The following MYH11 variants were observed in gnomAD, a reference collection of about 807,000 sequenced individuals.
The protein encoded by MYH11 is myosin heavy chain 11.
In MYH11, 80 loss-of-function variants were observed where a neutral mutation model predicts 246.6. That is an observed-to-expected ratio of 0.32 (90% CI 0.27 to 0.39). MYH11 has a LOEUF of 0.39. Ranked by LOEUF, MYH11 falls within the 10% of genes least tolerant of loss-of-function variation. MYH11 has a pLI of 1.00. For missense variants in MYH11, 2,158 were observed against 2,546.8 expected (o/e 0.85, Z 3.29); for synonymous variants, 1,071 against 1,015.5 (o/e 1.05, Z -1.04).
chr16:15,823,283 T>A lies in MYH11; in HGVS notation c.474A>T (p.Ala158=). The change falls in exon 3 of 41, where the codon GCA becomes GCT. Residue 158 remains alanine, a synonymous_variant. Coordinates refer to ENST00000300036, the MANE Select transcript of MYH11 (RefSeq NM_002474.3). ...GAAGCATGCTCCGGTAGGCCGTGTCTGCGATGGCGTAGATGTGAGGCGGCA... is the reference window on the plus strand; with the variant it reads ...GAAGCATGCTCCGGTAGGCCGTGTCAGCGATGGCGTAGATGTGAGGCGGCA... ...HEMPPHIYAI[A]DTAYRSMLQD... is the part of the protein sequence containing the mutation. The A allele has an allele frequency of 6.2e-7, 1 of 1,614,192 alleles. No individual in the cohort carries two copies.
Position 15,798,660 on chromosome 16 carries a change from G to A in MYH11, c.530C>T (p.Thr177Ile), listed in dbSNP as rs2042809404. The A allele has an allele frequency of 1.9e-6, 3 of 1,596,080 alleles. No homozygotes were observed. Among genetic ancestry groups the A allele is most frequent in the Non-Finnish European group, 1.7e-6 (2 of 1,173,696 alleles). ...QDREDQSILC[T>I]GESGAGKTEN... is the part of the protein sequence containing the mutation. Reference sequence around the variant, plus strand: ...CAGAAGAAAAAGCAGTTCCACTTACGTGCATAGAATGGACTGGTCCTCCCG... The same window carrying A: ...CAGAAGAAAAAGCAGTTCCACTTACATGCATAGAATGGACTGGTCCTCCCG... The change falls in exon 4 of 41, where the codon ACA becomes ATA. Residue 177 changes from threonine (T) to isoleucine (I), a missense_variant and splice_region_variant. Around this residue, in one of 11 missense-constraint regions of MYH11, gnomAD observed 123 missense variants for 207.1 expected, o/e 0.59. Transcript: ENST00000300036.
At chr16:15,748,252 C>A in intron 16 of MYH11, 84 bp from the exon 17 acceptor site, 1 of 1,592,152 alleles carries the variant, frequency 6.3e-7, no homozygotes. Context: ...CTGGATGACC[C>A]ACCTGGCCAG....
At chr16:15,725,205 A>G in intron 28 of MYH11, 1 of 616,236 alleles carries the variant, frequency 1.6e-6, no homozygotes. Flanking sequence ...TCCGTCACCT[A>G]TGAGTTGGGA....
intron 36 of MYH11, chr16:15,718,716 T>C (rs933706887): frequency 3.9e-5 from 21 of 540,240 alleles, no homozygotes; most frequent in South Asian, 1.7e-4. Context: ...CAGCTACTTA[T>C]TGGGAATGAA....
At chr16:15,824,736 T>C (rs2043514378) in intron 2 of MYH11, among the ~76,000 whole-genome samples, 1 of 152,152 alleles carries the variant, frequency 6.6e-6, no homozygotes, top group Non-Finnish European at 1.5e-5. Context: ...CTCCAAGCTC[T>C]CTCTCCTCCC....
At chr16:15,776,592 C>G (rs1334738564) in intron 7 of MYH11, among the ~76,000 whole-genome samples, 1 of 152,078 alleles carries the variant, frequency 6.6e-6, no homozygotes, top group Non-Finnish European at 1.5e-5. Context: ...TCACTGAAGC[C>G]TCACAAAGTA....
At chr16:15,717,579 G>A in intron 37 of MYH11, 1 of 594,820 alleles carries the variant, frequency 1.7e-6, no homozygotes, top group South Asian at 2.0e-5. Flanking sequence ...TAAATCACTT[G>A]AGCTCAGGAG....
chr16:15,719,156 C>T lies in MYH11; in HGVS notation c.5171+64G>A, dbSNP rs150564933. ...AAAATTTAAAAAATAAAATGGGGGT[C>T]GAGGATGCTGCCTGTCCCCCCATCC... On this transcript the variant is annotated intron_variant, in intron 36 of 40. Coordinates refer to ENST00000300036, the MANE Select transcript of MYH11 (RefSeq NM_002474.3). The T allele has an allele frequency of 1.3e-4, 193 of 1,477,500 alleles. No individual in the cohort carries two copies. The African/African-American group carries it at 1.6e-3, about 12-fold the overall frequency. The allele number at this position is 1,477,500 out of a possible 1,614,324, so 91.5% of individuals were successfully genotyped here. A position where few individuals can be genotyped will look rare whatever the true frequency, so the allele number is the denominator to read the frequency against.
chr16:15,740,287 G>A, intron 22 of MYH11, 99 bp from the exon 23 acceptor site: 1 of 1,565,176 alleles, frequency 6.4e-7, no homozygotes, highest in East Asian at 2.2e-5. Flanking sequence ...GCCTGAAGAT[G>A]CCCAGAACTC....
chr16:15,798,775 A>C, intron 3 of MYH11, 88 bp from the exon 4 acceptor site: 1 of 1,347,972 alleles, frequency 7.4e-7, no homozygotes, highest in South Asian at 1.2e-5. Context: ...GGGCCCTCCC[A>C]TTCTAAAGCT....
intron 40 of MYH11, among the ~76,000 whole-genome samples, chr16:15,708,524 C>T (rs924266548): frequency 1.3e-5 from 2 of 152,220 alleles, no homozygotes; most frequent in African/African-American, 2.4e-5. Context: ...TCTGCCATCT[C>T]GTCAAGATGC....
At chr16:15,759,837 C>G in intron 11 of MYH11, 109 bp from the exon 12 acceptor site, 1 of 1,405,374 alleles carries the variant, frequency 7.1e-7, no homozygotes, top group Non-Finnish European at 9.8e-7. Context: ...GTGACTCACA[C>G]TGTAATCCCA....
At chr16:15,851,124 T>C (rs1470264885) in intron 1 of MYH11, among the ~76,000 whole-genome samples, 1 of 152,082 alleles carries the variant, frequency 6.6e-6, no homozygotes, top group Non-Finnish European at 1.5e-5. Flanking sequence ...CTGAACCTGA[T>C]CTGCAACACA....
At position 15,724,920 on chromosome 16, in the gene MYH11, C is replaced by T. The variant is rs1483548054; in HGVS notation, c.3931G>A (p.Ala1311Thr). Reference protein sequence around the residue: ...GKAIKLAKDVASLSSQLQDTQ... With the variant: ...GKAIKLAKDVTSLSSQLQDTQ... Reference sequence around the variant, plus strand: ...TCCTGGAGCTGGGAACTGAGGGACGCCACGTCCTTGGCCAGCTTAATGGCC... The same window carrying T: ...TCCTGGAGCTGGGAACTGAGGGACGTCACGTCCTTGGCCAGCTTAATGGCC... Residue 1311 changes from alanine (A) to threonine (T), a missense_variant, in exon 29 of 41, where the codon GCG becomes ACG. Physicochemically the swap from Ala to Thr is moderately conservative, Grantham distance 58. Coordinates refer to ENST00000300036, the MANE Select transcript of MYH11 (RefSeq NM_002474.3). 5 of 1,614,016 alleles carry T rather than the reference C, an allele frequency of 3.1e-6. No homozygotes were observed. In the Admixed American group the frequency reaches 5.0e-5, roughly 16 times the overall value.
At chr16:15,734,667 A>G (rs189743799) in intron 26 of MYH11, among the ~76,000 whole-genome samples, 1 of 152,214 alleles carries the variant, frequency 6.6e-6, no homozygotes, top group Admixed American at 6.5e-5. Context: ...AAGCTTACCA[A>G]TGAGGATGGT....
intron 20 of MYH11, among the ~76,000 whole-genome samples, chr16:15,744,734 C>T (rs149544018): frequency 2.0e-3 from 301 of 149,108 alleles, no homozygotes; most frequent in African/African-American, 5.3e-3. Context: ...AACTCCTGAC[C>T]GCAAGTGATC....
intron 4 of MYH11, among the ~76,000 whole-genome samples, chr16:15,793,615 CTTTTTTTTTTTTT>C (rs572455483): frequency 4.3e-5 from 4 of 93,820 alleles, no homozygotes; most frequent in South Asian, 3.3e-4. Flanking sequence ...CTTTTCTTTT[CTTTTTTTTTTTTT>C]TTTTTTTTTG....
At chr16:15,838,536 A>T (rs978025868) in intron 1 of MYH11, among the ~76,000 whole-genome samples, 7 of 152,174 alleles carry the variant, frequency 4.6e-5, no homozygotes, top group Admixed American at 2.6e-4. Context: ...TGCTATTTCC[A>T]CACTGTGAAA....
intron 3 of MYH11, among the ~76,000 whole-genome samples, chr16:15,803,358 C>T (rs1447263583): frequency 6.6e-6 from 1 of 150,788 alleles, no homozygotes; most frequent in Admixed American, 6.6e-5. Context: ...CTCACTGCAA[C>T]CTCTGCCTCC....
Sources: allele counts gnomAD v4.1 joint callset (sites outside exome capture counted in the v4.1 genomes callset), GRCh38; gene constraint gnomAD v4.1.1; regional missense constraint gnomAD v4.1.1; transcripts MANE v1.5; gene names NCBI Gene and HGNC (gene_info 2026-07-23, HGNC 2026-07-21).